The following FOXO3 variants were observed in gnomAD, a reference collection of about 807,000 sequenced individuals.
FOXO3 encodes forkhead box O3.
Under a neutral mutation model 41.9 loss-of-function variants are expected in FOXO3, and 4 were observed. The observed-to-expected ratio is 0.10, with a 90% confidence interval of 0.05 to 0.22. FOXO3 has a LOEUF of 0.22. FOXO3 is among the 10% of genes least tolerant of loss of function. The pLI is 1.00. For synonymous variants in FOXO3, 318 were observed against 389.3 expected (o/e 0.82, Z 2.16); for missense variants, 534 against 906.8 (o/e 0.59, Z 5.28).
At chr6:108,655,809 C>T (rs1292853162) in intron 1 of FOXO3, among the ~76,000 whole-genome samples, 1 of 152,140 alleles carries the variant, frequency 6.6e-6, no homozygotes, top group Non-Finnish European at 1.5e-5. Flanking sequence ...AATTGGGGTT[C>T]CATTGGGCTG....
At chr6:108,618,045 T>C (rs1040495980) in intron 1 of FOXO3, 4 of 692,414 alleles carry the variant, frequency 5.8e-6, no homozygotes, top group East Asian at 2.8e-5. Context: ...CAATCGTATC[T>C]TCATTCTCCA....
intron 2 of FOXO3, among the ~76,000 whole-genome samples, chr6:108,674,721 G>C (rs367719911): frequency 1.3e-5 from 2 of 152,164 alleles, no homozygotes; most frequent in Non-Finnish European, 2.9e-5. Flanking sequence ...CGGAGGGTTT[G>C]TTCCCAGAAG....
intron 1 of FOXO3, among the ~76,000 whole-genome samples, chr6:108,646,856 G>C (rs1010263624): frequency 6.6e-6 from 1 of 152,170 alleles, no homozygotes; most frequent in African/African-American, 2.4e-5. Flanking sequence ...AAAATGTGTT[G>C]AGTCTTCCAC....
At chr6:108,618,179 T>G (rs1047043426) in intron 1 of FOXO3, 1 of 997,348 alleles carries the variant, frequency 1.0e-6, no homozygotes, top group Non-Finnish European at 1.6e-6. Flanking sequence ...AAGTGGTGTA[T>G]GCCTCTTAAT....
At chr6:108,625,768 T>A (rs1340097744) in intron 1 of FOXO3, among the ~76,000 whole-genome samples, 2 of 152,092 alleles carry the variant, frequency 1.3e-5, no homozygotes, top group African/African-American at 2.4e-5. Context: ...GCCAACAACT[T>A]TGCCAGGAGT....
chr6:108,561,882 G>A (rs989663386), intron 1 of FOXO3, 53 bp downstream of exon 1: 1 of 1,486,088 alleles, frequency 6.7e-7, no homozygotes, highest in South Asian at 1.4e-5. Context: ...CCTGCGCAGC[G>A]CGAGACGCGT....
At chr6:108,580,084 C>T (rs563061771) in intron 1 of FOXO3, among the ~76,000 whole-genome samples, 2 of 151,454 alleles carry the variant, frequency 1.3e-5, no homozygotes, top group East Asian at 1.9e-4. Context: ...TTAGATTTAT[C>T]TATCATTTTC....
At chr6:108,636,462 T>C (rs949812168) in intron 1 of FOXO3, among the ~76,000 whole-genome samples, 1 of 151,900 alleles carries the variant, frequency 6.6e-6, no homozygotes, top group Non-Finnish European at 1.5e-5. Context: ...ACAAACCCTG[T>C]GTGTTGAGCC....
intron 1 of FOXO3, among the ~76,000 whole-genome samples, chr6:108,637,000 C>A (rs1018268399): frequency 4.6e-5 from 7 of 152,160 alleles, no homozygotes; most frequent in African/African-American, 1.7e-4. Context: ...TAGGAATGGA[C>A]TGGGAGAGAT....
At chr6:108,661,063 TAAAAAA>T (rs1220565992) in intron 1 of FOXO3, among the ~76,000 whole-genome samples, 1 of 149,344 alleles carries the variant, frequency 6.7e-6, no homozygotes, top group Admixed American at 6.7e-5. Context: ...CTATCTCAAA[TAAAAAA>T]AAGAAAATAC....
At chr6:108,641,275 T>C (rs1778250369) in intron 1 of FOXO3, among the ~76,000 whole-genome samples, 1 of 152,088 alleles carries the variant, frequency 6.6e-6, no homozygotes, top group African/African-American at 2.4e-5. Context: ...ACTATGCCTT[T>C]AAACTTAAGT....
intron 1 of FOXO3, among the ~76,000 whole-genome samples, chr6:108,652,904 G>T (rs1406607461): frequency 6.6e-6 from 1 of 152,216 alleles, no homozygotes; most frequent in Non-Finnish European, 1.5e-5. Flanking sequence ...CCCATGACAG[G>T]TGGAGAGCCG....
At chr6:108,674,277 G>A (rs1224961385) in intron 2 of FOXO3, among the ~76,000 whole-genome samples, 2 of 152,214 alleles carry the variant, frequency 1.3e-5, no homozygotes, top group African/African-American at 2.4e-5. Flanking sequence ...AAGAGGAAGA[G>A]AGGGTTCTTC....
rs1770985901 is a variant in FOXO3, at chr6:108,684,394, G to A, written c.*4602G>A. 1 of 152,134 alleles carries A rather than the reference G, an allele frequency of 6.6e-6. No individual in the cohort carries two copies. Among genetic ancestry groups the A allele is most frequent in the African/African-American group, 2.4e-5 (1 of 41,414 alleles). 9.4% of individuals were successfully genotyped at this position (152,134 alleles called of 1,614,324 possible). A position where few individuals can be genotyped will look rare whatever the true frequency, so the allele number is the denominator to read the frequency against. On this transcript the variant is annotated 3_prime_UTR_variant, in exon 3 of 3. Coordinates refer to ENST00000406360, the MANE Select transcript of FOXO3 (RefSeq NM_001455.4). ...AGTATCTGTAAAAACTATCTTATCT[G>A]TTTCAATTCCTTGCTCATATCCCAT...
intron 2 of FOXO3, among the ~76,000 whole-genome samples, chr6:108,672,836 G>GT (rs1779255754): frequency 1.3e-5 from 2 of 151,784 alleles, no homozygotes; most frequent in Admixed American, 6.5e-5. Flanking sequence ...GAGCCATAAG[G>GT]TTGTGGGATT....
At chr6:108,565,914 C>T (rs113017523) in intron 1 of FOXO3, among the ~76,000 whole-genome samples, 3,205 of 152,240 alleles carry the variant, frequency 0.021, 115 homozygotes, top group African/African-American at 0.071. Flanking sequence ...TCCACATTGG[C>T]TCATAATTTT....
At chr6:108,677,979 A>T (rs1456410984) in intron 2 of FOXO3, among the ~76,000 whole-genome samples, 1 of 152,218 alleles carries the variant, frequency 6.6e-6, no homozygotes, top group Non-Finnish European at 1.5e-5. Context: ...AGGGATAGAC[A>T]GGAAGAAGAA....
chr6:108,658,774 T>G (rs1778763342), intron 1 of FOXO3, among the ~76,000 whole-genome samples: 1 of 152,238 alleles, frequency 6.6e-6, no homozygotes, highest in African/African-American at 2.4e-5. Flanking sequence ...AATGTGATCA[T>G]GGCCACTTTA....
chr6:108,628,307 C>T (rs1026916819), intron 1 of FOXO3, among the ~76,000 whole-genome samples: 1 of 152,140 alleles, frequency 6.6e-6, no homozygotes, highest in African/African-American at 2.4e-5. Context: ...TAACAGGCTG[C>T]TCCTTTGCCA....
Sources: gnomAD v4.1 joint callset for allele counts (sites outside exome capture counted in the v4.1 genomes callset) on GRCh38, gnomAD v4.1.1 for gene constraint, MANE v1.5 for transcripts, NCBI Gene and HGNC (gene_info 2026-07-23, HGNC 2026-07-21) for gene names.